The following KIAA0319L variants were observed in gnomAD, a reference collection of about 807,000 sequenced individuals.
The protein encoded by KIAA0319L is KIAA0319 like, also known as dyslexia-associated protein KIAA0319-like protein.
In KIAA0319L, 55 loss-of-function variants were observed where a neutral mutation model predicts 120.1. The ratio of observed to expected loss-of-function variants is 0.46; its 90% CI spans 0.37 to 0.57. KIAA0319L has a LOEUF of 0.57. Ranked by LOEUF, KIAA0319L falls within the 20% of genes least tolerant of loss-of-function variation. KIAA0319L has a pLI of 0.00. For synonymous variants in KIAA0319L, 398 were observed against 471.9 expected (o/e 0.84, Z 2.03); for missense variants, 1,049 against 1,255.3 (o/e 0.84, Z 2.48).
intron 16 of KIAA0319L, among the ~76,000 whole-genome samples, chr1:35,445,795 G>C (rs1415995354): frequency 1.3e-5 from 2 of 152,132 alleles, no homozygotes; most frequent in African/African-American, 2.4e-5. Context: ...TGTTCTTCCT[G>C]AATTCCTTAA....
intron 2 of KIAA0319L, among the ~76,000 whole-genome samples, chr1:35,508,449 G>A (rs1440772763): frequency 6.6e-6 from 1 of 152,114 alleles, no homozygotes; most frequent in Admixed American, 6.6e-5. Flanking sequence ...ATGTCCAACG[G>A]ACTAAATGTG....
intron 3 of KIAA0319L, among the ~76,000 whole-genome samples, chr1:35,483,643 C>A (rs760239410): frequency 3.9e-5 from 6 of 152,164 alleles, no homozygotes; most frequent in Non-Finnish European, 8.8e-5. Flanking sequence ...AGTCTTCTAG[C>A]TAGATAGTTT....
chr1:35,490,654 A>C (rs1405405056), intron 3 of KIAA0319L, among the ~76,000 whole-genome samples: 1 of 152,182 alleles, frequency 6.6e-6, no homozygotes, highest in Non-Finnish European at 1.5e-5. Context: ...TATAAGACAT[A>C]AAAAAGACCT....
chr1:35,479,257 A>G, intron 3 of KIAA0319L, 45 bp from the exon 4 acceptor site: 1 of 1,529,814 alleles, frequency 6.5e-7, no homozygotes, highest in Non-Finnish European at 9.0e-7. Flanking sequence ...AAGTTACATA[A>G]TTTTTCAGGT....
chr1:35,520,108 C>CTT (rs557915516), intron 2 of KIAA0319L, among the ~76,000 whole-genome samples: 6 of 142,896 alleles, frequency 4.2e-5, no homozygotes, highest in Non-Finnish European at 7.6e-5. Context: ...CTTTTCTTTT[C>CTT]TTTTTTTTTT....
intron 2 of KIAA0319L, among the ~76,000 whole-genome samples, chr1:35,550,832 G>T (rs1647173774): frequency 6.6e-6 from 1 of 152,044 alleles, no homozygotes. Context: ...CCCCCGAGTA[G>T]CTGGGACTAG....
intron 3 of KIAA0319L, among the ~76,000 whole-genome samples, chr1:35,479,798 G>A (rs916782099): frequency 1.3e-5 from 2 of 151,880 alleles, no homozygotes; most frequent in South Asian, 2.1e-4. Flanking sequence ...AGCTACTTGG[G>A]AGGCTGAGGT....
upstream of KIAA0319L, chr1:35,557,560 A>T: frequency 2.5e-6 from 1 of 406,426 alleles, no homozygotes; most frequent in Non-Finnish European, 4.9e-6. Flanking sequence ...AAGCGAAGGA[A>T]TCTGGGCCCC....
At chr1:35,539,368 C>G (rs890856942) in intron 2 of KIAA0319L, among the ~76,000 whole-genome samples, 10 of 152,216 alleles carry the variant, frequency 6.6e-5, no homozygotes, top group Non-Finnish European at 1.5e-4. Flanking sequence ...CTGCAGACCT[C>G]AGGTCAGGGG....
chr1:35,444,698 C>T (rs947388086), intron 16 of KIAA0319L, among the ~76,000 whole-genome samples: 2 of 152,212 alleles, frequency 1.3e-5, no homozygotes, highest in Admixed American at 1.3e-4. Context: ...TTTGGTATGG[C>T]TACATTCCTG....
At position 35,437,422 on chromosome 1, in the gene KIAA0319L, C is replaced by G. The variant is rs1558249324; in HGVS notation, c.2963-2341G>C. Among the ~76,000 whole-genome samples the G allele has an allele frequency of 6.6e-6, 1 of 152,184 alleles. No homozygotes were observed. The highest frequency in any genetic ancestry group is 6.5e-5 in the Admixed American group (1 of 15,276). On this transcript the variant is annotated intron_variant, in intron 20 of 20. Transcript: ENST00000325722. The surrounding 1 kb of genome is among the most constrained non-coding windows in gnomAD (Gnocchi z 4.1). ...CCACCCACAGATCTGTTCATGAGCC[C>G]TTCTCTGAGGAAGAGGAGGCCCTTG...
chr1:35,487,759 A>G (rs78797045), intron 3 of KIAA0319L, among the ~76,000 whole-genome samples: 2,526 of 152,302 alleles, frequency 0.017, 69 homozygotes, highest in African/African-American at 0.058. Context: ...AATGCATTCA[A>G]TTTTAAAAAG....
chr1:35,528,267 A>T (rs539630577), intron 2 of KIAA0319L, among the ~76,000 whole-genome samples: 2 of 152,112 alleles, frequency 1.3e-5, no homozygotes, highest in East Asian at 3.9e-4. Context: ...ATTTTTGTAG[A>T]GACAGGGTCT....
chr1:35,503,056 A>G (rs775564584), intron 3 of KIAA0319L, among the ~76,000 whole-genome samples: 2 of 152,128 alleles, frequency 1.3e-5, no homozygotes, highest in African/African-American at 2.4e-5. Context: ...GCCATCTTCT[A>G]TCCTTCACGA....
rs200682694 is a variant in KIAA0319L, at chr1:35,475,477, A to AT, written c.914-572dup. On this transcript the variant is annotated intron_variant, in intron 4 of 20. Transcript: ENST00000325722. ...TTGTTCACACTAGATTATTCCAAGA[A>AT]TTTTTTTTTTCTTTTTGAGTCAGGG... 1.9e-3 allele frequency among the ~76,000 whole-genome samples: 284 copies of AT among 150,276 alleles called. 2 individuals carry two copies. Among genetic ancestry groups the AT allele is most frequent in the East Asian group, 0.015 (76 of 5,132 alleles).
intron 2 of KIAA0319L, among the ~76,000 whole-genome samples, chr1:35,544,781 T>C (rs1309899525): frequency 6.6e-6 from 1 of 152,160 alleles, no homozygotes; most frequent in Non-Finnish European, 1.5e-5. Context: ...GTAGCTGATA[T>C]CAGACTCACC....
In KIAA0319L at chr1:35,478,960, C is replaced by G. The variant is rs777660093; in HGVS notation, c.913+6G>C. 6.2e-7 allele frequency: 1 copy of G among 1,613,712 alleles called. No homozygotes were observed. The highest frequency in any genetic ancestry group is 1.1e-5 in the South Asian group (1 of 91,048). On this transcript the variant is annotated splice_donor_region_variant and intron_variant, in intron 4 of 20. Transcript: ENST00000325722. The stretch of plus-strand genomic sequence containing the variant: ...TCCTTCTATCTCCAAGAGCAAAGGT[C>G]CTTACCTGGGTATGGTGCTGAGGTG...
Position 35,434,639 on chromosome 1 carries a change from C to CA in KIAA0319L, c.*254dup, listed in dbSNP as rs1475124132. 16 of 457,740 alleles carry CA rather than the reference C, an allele frequency of 3.5e-5. No homozygotes were observed. The highest frequency in any genetic ancestry group is 1.8e-4 in the African/African-American group (9 of 49,762). The allele number at this position is 457,740 out of a possible 1,614,324, so 28.4% of individuals were successfully genotyped here. The stretch of plus-strand genomic sequence containing the variant: ...GCCCTCGGGGGAGGGGAGGAGTTTG[C>CA]AAAAAAAGGAGGCCCTGAGGTGAGG... On this transcript the variant is annotated 3_prime_UTR_variant, in exon 21 of 21. Coordinates refer to ENST00000325722, the MANE Select transcript of KIAA0319L (RefSeq NM_024874.5).
intron 6 of KIAA0319L, 82 bp downstream of exon 6, chr1:35,470,781 G>T: frequency 1.1e-6 from 1 of 872,000 alleles, no homozygotes; most frequent in South Asian, 1.4e-5. Context: ...CTTAAGTGTA[G>T]ACAGAAAATT....
Sources: allele counts gnomAD v4.1 joint callset (sites outside exome capture counted in the v4.1 genomes callset), GRCh38; gene constraint gnomAD v4.1.1; non-coding constraint Gnocchi (gnomAD v3.1); transcripts MANE v1.5; gene names NCBI Gene and HGNC (gene_info 2026-07-23, HGNC 2026-07-21).